Variants in SNRNP200 observed in about 807,000 individuals in gnomAD.
SNRNP200 encodes the protein small nuclear ribonucleoprotein U5 subunit 200, also known as U5 small nuclear ribonucleoprotein 200 kDa helicase.
A neutral mutation model predicts 255.2 loss-of-function variants in SNRNP200; 66 were observed. That is an observed-to-expected ratio of 0.26 (90% CI 0.21 to 0.32). The LOEUF is 0.32. Ranked by LOEUF, SNRNP200 falls within the 10% of genes least tolerant of loss-of-function variation. SNRNP200 has a pLI of 1.00. For synonymous variants in SNRNP200, 939 were observed against 1,027.8 expected (o/e 0.91, Z 1.65); for missense variants, 1,585 against 2,749.8 (o/e 0.58, Z 9.47).
rs1388308106 is a variant in SNRNP200, at chr2:96,286,261, T to C, written c.4003+50A>G. The stretch of plus-strand genomic sequence containing the variant: ...TCCCCTGCCTGCCACAGAGCACATC[T>C]GTCTCCCGGTGACTTCAAAAGCCTC... On this transcript the variant is annotated intron_variant, in intron 29 of 44. Transcript: ENST00000323853. The surrounding 1 kb of genome is among the most constrained non-coding windows in gnomAD (Gnocchi z 4.8). 2 of 1,587,648 alleles carry C rather than the reference T, an allele frequency of 1.3e-6. No individual in the cohort carries two copies. Among genetic ancestry groups the C allele is most frequent in the East Asian group, 2.2e-5 (1 of 44,684 alleles).
chr2:96,276,024 T>C (rs1684651931), intron 43 of SNRNP200, among the ~76,000 whole-genome samples: 1 of 152,050 alleles, frequency 6.6e-6, no homozygotes, highest in Non-Finnish European at 1.5e-5. Flanking sequence ...AGAAAAAGCT[T>C]AACACAGAGC....
In SNRNP200 at chr2:96,277,825, C is replaced by G; in HGVS notation, c.5736G>C (p.Thr1912=). 1.2e-6 allele frequency: 2 copies of G among 1,614,246 alleles called. No individual in the cohort carries two copies. The highest frequency in any genetic ancestry group is 1.7e-6 in the Non-Finnish European group (2 of 1,180,046). ...ACTCTACCTTACTAAGGATTTCCTCCGTATCTGACTGCAACTCAGCACTCA... is the reference window on the plus strand; with the variant it reads ...ACTCTACCTTACTAAGGATTTCCTCGGTATCTGACTGCAACTCAGCACTCA... ...MQLSAELQSD[T]EEILSKAIRL... is the part of the protein sequence containing the mutation. Residue 1912 remains threonine, a synonymous_variant, in exon 40 of 45, where the codon ACG becomes ACC. Transcript: ENST00000323853. The surrounding 1 kb of genome is among the most constrained non-coding windows in gnomAD (Gnocchi z 4.4).
intron 11 of SNRNP200, 89 bp from the exon 12 acceptor site, chr2:96,297,159 C>A: frequency 7.5e-6 from 12 of 1,593,112 alleles, no homozygotes; most frequent in Non-Finnish European, 1.0e-5. Flanking sequence ...TGTTCCCTGG[C>A]AATCTCTTTG....
intron 16 of SNRNP200, 57 bp downstream of exon 16, chr2:96,292,915 G>T: frequency 1.9e-6 from 3 of 1,594,352 alleles, no homozygotes; most frequent in Non-Finnish European, 2.6e-6. Flanking sequence ...CCAATTATTG[G>T]TGAATCAAAC....
rs192340150 is a variant in SNRNP200, at chr2:96,291,119, C to T, written c.2421+273G>A. On this transcript the variant is annotated intron_variant, in intron 18 of 44. Transcript: ENST00000323853. The surrounding 1 kb of genome is among the most constrained non-coding windows in gnomAD (Gnocchi z 4.2). ...CCGGAAAGAGGGAACGACAAGGGCACGCGTGCCCCCATGAGACACTGTTTG... is the reference window on the plus strand; with the variant it reads ...CCGGAAAGAGGGAACGACAAGGGCATGCGTGCCCCCATGAGACACTGTTTG... Among the ~76,000 whole-genome samples the T allele has an allele frequency of 5.9e-5, 9 of 152,244 alleles. No individual in the cohort carries two copies. Among genetic ancestry groups the T allele is most frequent in the South Asian group, 4.2e-4 (2 of 4,816 alleles).
At chr2:96,296,789 T>A in intron 12 of SNRNP200, 98 bp from the exon 13 acceptor site, 1 of 1,554,224 alleles carries the variant, frequency 6.4e-7, no homozygotes, top group Non-Finnish European at 8.9e-7. Context: ...ATAGAGCTTG[T>A]CCTGGGCACT....
intron 5 of SNRNP200, among the ~76,000 whole-genome samples, chr2:96,300,481 C>G (rs1324724097): frequency 6.6e-6 from 1 of 152,080 alleles, no homozygotes; most frequent in African/African-American, 2.4e-5. Flanking sequence ...TATATTGTGG[C>G]CGGGCGCAGT....
intron 8 of SNRNP200, 82 bp downstream of exon 8, chr2:96,298,521 G>C: frequency 1.2e-6 from 2 of 1,609,346 alleles, no homozygotes; most frequent in East Asian, 2.2e-5. Context: ...CAAGCACTTA[G>C]GCTGTGAAAA....
rs1248553580 is a variant in SNRNP200, at chr2:96,301,553, T to C, written c.545A>G (p.Tyr182Cys). The part of the protein sequence containing the change: ...LVNLGKKITD[Y>C]GGDKEIQNMD... ...ATTTTGGATTTCCTTATCTCCACCATAGTCTGTGATCTTTTTGCCCAGGTT... is the reference window on the plus strand; with the variant it reads ...ATTTTGGATTTCCTTATCTCCACCACAGTCTGTGATCTTTTTGCCCAGGTT... Residue 182 changes from tyrosine to cysteine, a missense_variant, in exon 4 of 45, where the codon TAT becomes TGT. Tyr to Cys is a radical substitution (Grantham distance 194). This residue lies in a region of SNRNP200 where 383 missense variants were observed against 645.3 expected (regional missense o/e 0.59). Transcript: ENST00000323853. 25 of 1,614,096 alleles carry C rather than the reference T, an allele frequency of 1.5e-5. No individual in the cohort carries two copies. Among genetic ancestry groups the C allele is most frequent in the Non-Finnish European group, 1.9e-5 (23 of 1,180,032 alleles).
rs770684240 is a variant in SNRNP200, at chr2:96,283,782, C to G, written c.4584+31G>C. 33 of 1,613,704 alleles carry G rather than the reference C, an allele frequency of 2.0e-5. No individual in the cohort carries two copies. The highest frequency in any genetic ancestry group is 2.7e-5 in the Non-Finnish European group (32 of 1,179,900). ...GGGTCACTCAGGATCTATGTGACAC[C>G]CCACAGACGGATGAGGAGAGTGGGT... On this transcript the variant is annotated intron_variant, in intron 32 of 44. Transcript: ENST00000323853. The surrounding 1 kb of genome is among the most constrained non-coding windows in gnomAD (Gnocchi z 4.7).
At chr2:96,300,726 T>C (rs1349211678) in intron 5 of SNRNP200, among the ~76,000 whole-genome samples, 2 of 151,804 alleles carry the variant, frequency 1.3e-5, no homozygotes, top group East Asian at 3.9e-4. Context: ...ATCGCACCAC[T>C]GCACTCCAGC....
At chr2:96,301,896 A>G (rs1335275249) in intron 3 of SNRNP200, among the ~76,000 whole-genome samples, 180 bp from the exon 4 acceptor site, 1 of 152,202 alleles carries the variant, frequency 6.6e-6, no homozygotes, top group African/African-American at 2.4e-5. Flanking sequence ...TCTGTTTTTA[A>G]AAAGATTAGC....
intron 35 of SNRNP200, 154 bp downstream of exon 35, chr2:96,281,658 GAC>G (rs1431633642): frequency 1.5e-6 from 1 of 683,346 alleles, no homozygotes; most frequent in African/African-American, 1.8e-5. Context: ...TAGGTATTGA[GAC>G]ACAAAACTCT....
intron 43 of SNRNP200, chr2:96,276,586 T>C (rs1684665441): frequency 2.7e-6 from 1 of 371,080 alleles, no homozygotes; most frequent in Non-Finnish European, 5.3e-6. Flanking sequence ...CACGCACAGC[T>C]AATTTTTGTA....
Position 96,274,904 on chromosome 2 carries a change from CCAGACCTGAGGCCCA to C in SNRNP200, c.*93_*107del. Reference sequence around the variant, plus strand: ...CGGGGACAGCACCAGCCCTGGCTGGCCAGACCTGAGGCCCACAGACCTGGTCCCCACAACCAGGAT... The same window carrying C: ...CGGGGACAGCACCAGCCCTGGCTGGCCAGACCTGGTCCCCACAACCAGGAT... On this transcript the variant is annotated 3_prime_UTR_variant, in exon 45 of 45. Transcript: ENST00000323853. The C allele has an allele frequency of 7.4e-7, 1 of 1,349,000 alleles. No homozygotes were observed. The highest frequency in any genetic ancestry group is 1.1e-6 in the Non-Finnish European group (1 of 947,154). 83.6% of individuals were successfully genotyped at this position (1,349,000 alleles called of 1,614,324 possible).
intron 5 of SNRNP200, among the ~76,000 whole-genome samples, 155 bp from the exon 6 acceptor site, chr2:96,299,582 A>G (rs1393498367): frequency 1.3e-5 from 2 of 152,230 alleles, no homozygotes. Flanking sequence ...GCCTTATTCC[A>G]GTGGACATAG....
chr2:96,287,765 G>T lies in SNRNP200; in HGVS notation c.3365+98C>A. ...GGTTCAGGTCATACTTCCGATGTCA[G>T]GTCTGGAGATCAGATGCACCCTGAG... On this transcript the variant is annotated intron_variant, in intron 25 of 44. Transcript: ENST00000323853. The surrounding 1 kb of genome is among the most constrained non-coding windows in gnomAD (Gnocchi z 5.7). 1 of 1,087,838 alleles carries T rather than the reference G, an allele frequency of 9.2e-7. No individual in the cohort carries two copies. Among genetic ancestry groups the T allele is most frequent in the Non-Finnish European group, 1.4e-6 (1 of 700,682 alleles). The allele number at this position is 1,087,838 out of a possible 1,614,324, so 67.4% of individuals were successfully genotyped here.
Position 96,298,968 on chromosome 2 carries a change from C to T in SNRNP200, c.730-1G>A. The T allele has an allele frequency of 6.2e-7, 1 of 1,614,052 alleles. No individual in the cohort carries two copies. On this transcript the variant is annotated splice_acceptor_variant, in intron 6 of 44. Transcript: ENST00000323853. LOFTEE classifies it high-confidence loss of function. ...TCATCAGTTCACCTGAGGCTACGAGCTATAAAAGTAACCAGGCATTTAGCT... is the reference window on the plus strand; with the variant it reads ...TCATCAGTTCACCTGAGGCTACGAGTTATAAAAGTAACCAGGCATTTAGCT...
Position 96,277,069 on chromosome 2 carries a change from C to T in SNRNP200, c.6092+12G>A, listed in dbSNP as rs1373263442. ...ATTATGCTGTGCCCAACAGGCACCA[C>T]CTCTGGCTCACCTGCGGATGCTGTC... On this transcript the variant is annotated intron_variant, in intron 42 of 44. Transcript: ENST00000323853. This position sits in a 1 kb window ranked among gnomAD's most constrained non-coding sequence, Gnocchi z 4.4. 9 of 1,614,098 alleles carry T rather than the reference C, an allele frequency of 5.6e-6. No individual in the cohort carries two copies. Among genetic ancestry groups the T allele is most frequent in the African/African-American group, 1.3e-5 (1 of 74,938 alleles).
Sources: allele counts gnomAD v4.1 joint callset (sites outside exome capture counted in the v4.1 genomes callset), GRCh38; gene constraint gnomAD v4.1.1; regional missense constraint gnomAD v4.1.1; non-coding constraint Gnocchi (gnomAD v3.1); transcripts MANE v1.5; gene names NCBI Gene and HGNC (gene_info 2026-07-23, HGNC 2026-07-21).